COG7: variants seen among roughly 807,000 people sequenced by gnomAD.
COG7 encodes conserved oligomeric Golgi complex subunit 7.
COG7 carries 49 observed loss-of-function variants against 91.5 expected under a neutral mutation model. The observed-to-expected ratio is 0.54, with a 90% CI of 0.43 to 0.68. The LOEUF (loss-of-function observed/expected upper bound fraction) is 0.68. Ranked by LOEUF, COG7 falls within the 30% of genes least tolerant of loss-of-function variation. The pLI, the probability that COG7 is intolerant of heterozygous loss-of-function variation, is 0.00. For missense variants in COG7, 895 were observed against 961.3 expected (o/e 0.93, Z 0.91); for synonymous variants, 365 against 388.7 (o/e 0.94, Z 0.72).
At chr16:23,427,988 C>A (rs557138793) in intron 6 of COG7, among the ~76,000 whole-genome samples, 2 of 152,200 alleles carry the variant, frequency 1.3e-5, no homozygotes, top group South Asian at 4.2e-4. Flanking sequence ...CCAGCCTGTG[C>A]AACATGGTGA....
At chr16:23,399,156 A>G (rs576562776) in intron 13 of COG7, among the ~76,000 whole-genome samples, 1 of 152,032 alleles carries the variant, frequency 6.6e-6, no homozygotes, top group African/African-American at 2.4e-5. Context: ...ACCATGTCCA[A>G]CCCTGGGCTC....
At chr16:23,433,924 A>G (rs1350467222) in intron 5 of COG7, among the ~76,000 whole-genome samples, 1 of 152,114 alleles carries the variant, frequency 6.6e-6, no homozygotes, top group African/African-American at 2.4e-5. Flanking sequence ...AAAACATGTA[A>G]TGTGCAACCA....
At chr16:23,395,984 G>A (rs758915418) in intron 14 of COG7, among the ~76,000 whole-genome samples, 4 of 152,178 alleles carry the variant, frequency 2.6e-5, no homozygotes, top group Non-Finnish European at 4.4e-5. Flanking sequence ...GAATTAATAC[G>A]TGTGCTATGC....
intron 9 of COG7, 80 bp from the exon 10 acceptor site, chr16:23,413,644 T>C: frequency 2.4e-6 from 2 of 829,786 alleles, no homozygotes; most frequent in Admixed American, 3.4e-5. Context: ...TCTACAGCTC[T>C]GGACAAATTG....
At chr16:23,428,665 A>C (rs1596942100) in intron 6 of COG7, among the ~76,000 whole-genome samples, 1 of 149,948 alleles carries the variant, frequency 6.7e-6, no homozygotes, top group Admixed American at 6.6e-5. Context: ...AAGTACAACC[A>C]CTTTGAGCAA....
intron 14 of COG7, among the ~76,000 whole-genome samples, chr16:23,397,624 A>G (rs539717496): frequency 6.6e-6 from 1 of 152,344 alleles, no homozygotes; most frequent in East Asian, 1.9e-4. Context: ...TAAACATGAA[A>G]GCACTCCACA....
chr16:23,391,789 T>C (rs1231374746), intron 16 of COG7: 2 of 184,552 alleles, frequency 1.1e-5, no homozygotes, highest in Non-Finnish European at 2.3e-5. Flanking sequence ...ACCTGGGCAG[T>C]GAGGCCCTCC....
intron 6 of COG7, 69 bp downstream of exon 6, chr16:23,433,476 C>G (rs1427346246): frequency 1.9e-6 from 3 of 1,602,910 alleles, no homozygotes; most frequent in African/African-American, 2.7e-5. Flanking sequence ...GGTGGCCACT[C>G]CCGAGGCAGT....
At chr16:23,417,268 G>A (rs1244849430) in intron 8 of COG7, 147 bp from the exon 9 acceptor site, 1 of 809,400 alleles carries the variant, frequency 1.2e-6, no homozygotes. Context: ...TGCTTCTCTA[G>A]AGCCTGAATC....
intron 10 of COG7, chr16:23,412,391 G>C (rs1028121260): frequency 1.3e-5 from 2 of 152,204 alleles, no homozygotes; most frequent in African/African-American, 2.4e-5. Context: ...GGTGACATTA[G>C]AAATCCGGAT....
In COG7 at chr16:23,388,906, G is replaced by C. The variant is rs765890529; in HGVS notation, c.*14C>G. Reference sequence around the variant, plus strand: ...GCAGCCCTGGCTCTCTTGGTGGTCCGGTGTGTGGTGGGGTCAGTAATTCAC... The same window carrying C: ...GCAGCCCTGGCTCTCTTGGTGGTCCCGTGTGTGGTGGGGTCAGTAATTCAC... On this transcript the variant is annotated 3_prime_UTR_variant, in exon 17 of 17. Transcript: ENST00000307149. The C allele has an allele frequency of 5.6e-6, 9 of 1,613,720 alleles. No individual in the cohort carries two copies. Among genetic ancestry groups the C allele is most frequent in the Admixed American group, 1.7e-5 (1 of 59,988 alleles).
chr16:23,390,229 T>C (rs1165337324), intron 16 of COG7: 1 of 146,272 alleles, frequency 6.8e-6, no homozygotes, highest in Non-Finnish European at 1.5e-5. Flanking sequence ...TGAGACAGAG[T>C]TTCACTCTTG....
intron 12 of COG7, 107 bp downstream of exon 12, chr16:23,405,969 A>G: frequency 2.0e-6 from 2 of 982,928 alleles, no homozygotes. Flanking sequence ...AGGGTACGTC[A>G]CAGCCCAGGG....
At chr16:23,407,138 C>A (rs1394655135) in intron 11 of COG7, among the ~76,000 whole-genome samples, 1 of 152,206 alleles carries the variant, frequency 6.6e-6, no homozygotes, top group Admixed American at 6.5e-5. Context: ...AAAAACAGAT[C>A]CTTGAGTTGT....
intron 3 of COG7, 113 bp from the exon 4 acceptor site, chr16:23,442,758 C>T (rs559765003): frequency 1.7e-4 from 160 of 961,384 alleles, no homozygotes; most frequent in South Asian, 9.6e-4. Flanking sequence ...TGGGGCTGGG[C>T]ATCGTGGTGG....
Position 23,403,498 on chromosome 16 carries a change from C to T in COG7, c.1803+196G>A, listed in dbSNP as rs111802540. On this transcript the variant is annotated intron_variant, in intron 13 of 16. Coordinates refer to ENST00000307149, the MANE Select transcript of COG7 (RefSeq NM_153603.4). ...TGAGAACCGCCTGTGAATAAAGTAT[C>T]AGAGTAACTACAATAAAGATAAGAA... Among the ~76,000 whole-genome samples, 3,675 of 152,274 alleles carry T rather than the reference C, an allele frequency of 0.024. 86 individuals are homozygous for T. The highest frequency in any genetic ancestry group is 0.062 in the African/African-American group (2,576 of 41,536).
At chr16:23,396,893 A>G (rs942445820) in intron 14 of COG7, among the ~76,000 whole-genome samples, 2 of 149,490 alleles carry the variant, frequency 1.3e-5, no homozygotes. Context: ...ACTTCTTGCA[A>G]TTATACAACA....
chr16:23,398,041 C>T lies in COG7; in HGVS notation c.1887+5G>A, dbSNP rs1487416805. Reference sequence around the variant, plus strand: ...CACCCTGGAGAAGCACACAGAAGCTCTTACGTTGCTGATGTACTCGAGAGG... The same window carrying T: ...CACCCTGGAGAAGCACACAGAAGCTTTTACGTTGCTGATGTACTCGAGAGG... On this transcript the variant is annotated splice_donor_5th_base_variant and intron_variant, in intron 14 of 16. Coordinates refer to ENST00000307149, the MANE Select transcript of COG7 (RefSeq NM_153603.4). 1 of 1,613,274 alleles carries T rather than the reference C, an allele frequency of 6.2e-7. No individual in the cohort carries two copies. The highest frequency in any genetic ancestry group is 8.5e-7 in the Non-Finnish European group (1 of 1,179,308).
intron 13 of COG7, among the ~76,000 whole-genome samples, chr16:23,403,155 C>T (rs1389637861): frequency 6.6e-6 from 1 of 152,084 alleles, no homozygotes; most frequent in Non-Finnish European, 1.5e-5. Flanking sequence ...TTCGGACAAC[C>T]AGAAAAGAGA....
Sources: gnomAD v4.1 joint callset for allele counts (sites outside exome capture counted in the v4.1 genomes callset) on GRCh38, gnomAD v4.1.1 for gene constraint, MANE v1.5 for transcripts, NCBI Gene and HGNC (gene_info 2026-07-23, HGNC 2026-07-21) for gene names.